Variants in TTC13 observed in about 807,000 individuals in gnomAD.
The protein encoded by TTC13 is tetratricopeptide repeat protein 13.
In TTC13, 62 loss-of-function variants were observed where a neutral mutation model predicts 120.0. The observed-to-expected ratio is 0.52, with a 90% CI of 0.42 to 0.64. TTC13 has a LOEUF of 0.64. TTC13 is among the 30% of genes least tolerant of loss of function. The pLI is 0.00. For synonymous variants in TTC13, 384 were observed against 393.5 expected (o/e 0.98, Z 0.28); for missense variants, 824 against 1,050.2 (o/e 0.78, Z 2.98).
intron 11 of TTC13, 89 bp downstream of exon 11, chr1:230,931,209 G>C: frequency 1.4e-6 from 2 of 1,434,986 alleles, no homozygotes; most frequent in Non-Finnish European, 1.9e-6. Context: ...AGACTCCACT[G>C]TTTCATACGA....
chr1:230,959,974 T>G (rs1676468672), intron 2 of TTC13, among the ~76,000 whole-genome samples: 1 of 152,248 alleles, frequency 6.6e-6, no homozygotes. Context: ...AATGATTTGG[T>G]TGATGAGTAT....
chr1:230,948,356 G>C (rs1433544585), intron 4 of TTC13, among the ~76,000 whole-genome samples: 5 of 125,148 alleles, frequency 4.0e-5, no homozygotes, highest in African/African-American at 1.5e-4. Flanking sequence ...ATCTTGACTT[G>C]CCAATTAATT....
At chr1:230,954,147 T>C (rs1310769637) in intron 4 of TTC13, among the ~76,000 whole-genome samples, 186 bp downstream of exon 4, 11 of 152,178 alleles carry the variant, frequency 7.2e-5, no homozygotes, top group Admixed American at 7.2e-4. Context: ...AAATCTTTCA[T>C]TTAAAAGATT....
rs1432084408 is a variant in TTC13, at chr1:230,978,397, C to CG, written c.271+162dup. 6.6e-6 allele frequency among the ~76,000 whole-genome samples: 1 copy of CG among 151,806 alleles called. No individual in the cohort carries two copies. The highest frequency in any genetic ancestry group is 1.5e-5 in the Non-Finnish European group (1 of 67,870). On this transcript the variant is annotated intron_variant, in intron 1 of 22. Transcript: ENST00000366661. The surrounding 1 kb of genome is among the most constrained non-coding windows in gnomAD (Gnocchi z 5.6). ...GGGCGCGCGGCGGCGTGGGTGGCAG[C>CG]GGCGGGAAGCTGCCCGCCAGGACCC... is the stretch of plus-strand genomic sequence containing the variant.
rs1674359188 is a variant in TTC13 at position 230,939,498 on chromosome 1, T to C, written c.790-2A>G. The C allele has an allele frequency of 1.3e-6, 2 of 1,586,476 alleles. No individual in the cohort carries two copies. Among genetic ancestry groups the C allele is most frequent in the Non-Finnish European group, 1.7e-6 (2 of 1,160,446 alleles). ...GTCTTCATGGGCTGTTGCATAGTCC[T>C]ACAAAAAGGAGAGTGGGGGGAAAAA... is the stretch of plus-strand genomic sequence containing the variant. On this transcript the variant is annotated splice_acceptor_variant, in intron 7 of 22. Coordinates refer to ENST00000366661, the MANE Select transcript of TTC13 (RefSeq NM_024525.5). LOFTEE classifies it high-confidence loss of function.
At position 230,906,856 on chromosome 1, in the gene TTC13, T is replaced by A. The variant is rs1483551892; in HGVS notation, c.*49A>T. 1.1e-6 allele frequency: 1 copy of A among 886,114 alleles called. No homozygotes were observed. Among genetic ancestry groups the A allele is most frequent in the Non-Finnish European group, 1.6e-6 (1 of 621,450 alleles). 54.9% of individuals were successfully genotyped at this position (886,114 alleles called of 1,614,324 possible). A position where few individuals can be genotyped will look rare whatever the true frequency, so the allele number is the denominator to read the frequency against. On this transcript the variant is annotated 3_prime_UTR_variant, in exon 23 of 23. Coordinates refer to ENST00000366661, the MANE Select transcript of TTC13 (RefSeq NM_024525.5). ...TAATTCCATGTTTTAAAAAATAACT[T>A]AAGAAGCAAGAGGTCCGGCCCTTTA... is the stretch of plus-strand genomic sequence containing the variant.
chr1:230,973,201 T>C (rs1045554671), intron 1 of TTC13, among the ~76,000 whole-genome samples: 3 of 152,114 alleles, frequency 2.0e-5, no homozygotes, highest in African/African-American at 7.2e-5. Context: ...AAAAAGGAAA[T>C]AGCTCTCATA....
intron 4 of TTC13, among the ~76,000 whole-genome samples, chr1:230,946,965 A>G (rs1406451513): frequency 6.6e-6 from 1 of 152,166 alleles, no homozygotes; most frequent in Non-Finnish European, 1.5e-5. Flanking sequence ...CATTAGGTGC[A>G]CAGAAATAAA....
chr1:230,942,312 C>T lies in TTC13; in HGVS notation c.672+1494G>A, dbSNP rs1674598802. 6.6e-6 allele frequency among the ~76,000 whole-genome samples: 1 copy of T among 152,140 alleles called. No homozygotes were observed. The highest frequency in any genetic ancestry group is 1.5e-5 in the Non-Finnish European group (1 of 68,016). On this transcript the variant is annotated intron_variant, in intron 6 of 22. Coordinates refer to ENST00000366661, the MANE Select transcript of TTC13 (RefSeq NM_024525.5). The surrounding 1 kb of genome is among the most constrained non-coding windows in gnomAD (Gnocchi z 4.0). ...CACCAAATTAGCCACTAAACACCAA[C>T]TAAATACCAGCAAGTCTCATGCAGT...
At chr1:230,933,119 C>A (rs1376980267) in intron 9 of TTC13, among the ~76,000 whole-genome samples, 1 of 152,128 alleles carries the variant, frequency 6.6e-6, no homozygotes, top group African/African-American at 2.4e-5. Flanking sequence ...ATTACAGGAA[C>A]CCACCACCAT....
At chr1:230,938,254 G>A (rs1345388667) in intron 8 of TTC13, among the ~76,000 whole-genome samples, 1 of 152,156 alleles carries the variant, frequency 6.6e-6, no homozygotes, top group Admixed American at 6.5e-5. Flanking sequence ...CCTCTGTTTC[G>A]TTCTCAGGCC....
intron 17 of TTC13, among the ~76,000 whole-genome samples, chr1:230,920,117 T>C (rs1161745452): frequency 1.3e-5 from 2 of 152,142 alleles, no homozygotes; most frequent in Admixed American, 1.3e-4. Context: ...CGTGCAGTGG[T>C]CTAATAAATA....
intron 2 of TTC13, among the ~76,000 whole-genome samples, chr1:230,960,231 G>A (rs1055786521): frequency 1.9e-4 from 29 of 152,210 alleles, no homozygotes; most frequent in African/African-American, 6.3e-4. Flanking sequence ...CAAGACTAAC[G>A]AGCTTTCTCC....
intron 4 of TTC13, among the ~76,000 whole-genome samples, chr1:230,951,442 C>G (rs1443032167): frequency 6.6e-6 from 1 of 151,830 alleles, no homozygotes; most frequent in Non-Finnish European, 1.5e-5. Context: ...ACATGAATAG[C>G]TACCACTTTG....
intron 8 of TTC13, chr1:230,936,687 A>ACTATAT: frequency 9.0e-6 from 1 of 111,710 alleles, no homozygotes; most frequent in Non-Finnish European, 2.0e-5. Context: ...TACATCATAT[A>ACTATAT]GTAAATAAGC....
At position 230,954,382 on chromosome 1, in the gene TTC13, C is replaced by T; in HGVS notation, c.464G>A (p.Gly155Asp). 6.2e-7 allele frequency: 1 copy of T among 1,611,046 alleles called. No individual in the cohort carries two copies. Residue 155 changes from glycine (G) to aspartate (D), a missense_variant, in exon 4 of 23, where the codon GGC (glycine) becomes GAC (aspartate). Physicochemically the swap from Gly to Asp is moderately conservative, Grantham distance 94. Around this residue, in one of 4 missense-constraint regions of TTC13, gnomAD observed 430 missense variants for 626.8 expected, o/e 0.69. Transcript: ENST00000366661. ...TATTGCTTCATCATACAGACCACTG[C>T]CAATCAAGACATAAGCAATAGCTAT... The part of the protein sequence containing the change: ...EELAIAYVLI[G>D]SGLYDEAIRH...
intron 6 of TTC13, among the ~76,000 whole-genome samples, chr1:230,943,173 A>T (rs999470444): frequency 6.6e-6 from 1 of 152,086 alleles, no homozygotes; most frequent in South Asian, 2.1e-4. Context: ...ATATTTTTCA[A>T]TGAATATTAT....
rs1478115629 is a variant in TTC13 at position 230,940,778 on chromosome 1, G to A, written c.673-222C>T. On this transcript the variant is annotated intron_variant, in intron 6 of 22. Coordinates refer to ENST00000366661, the MANE Select transcript of TTC13 (RefSeq NM_024525.5). This position sits in a 1 kb window ranked among gnomAD's most constrained non-coding sequence, Gnocchi z 4.1. Reference sequence around the variant, plus strand: ...AGCAGGAGGCTGATGAACTATGACTGCAGCAACTGCCTTGTCACTATTTCA... The same window carrying A: ...AGCAGGAGGCTGATGAACTATGACTACAGCAACTGCCTTGTCACTATTTCA... 6.6e-6 allele frequency among the ~76,000 whole-genome samples: 1 copy of A among 152,164 alleles called. No individual in the cohort carries two copies.
intron 6 of TTC13, among the ~76,000 whole-genome samples, chr1:230,941,776 T>A (rs1190758118): frequency 6.6e-6 from 1 of 152,166 alleles, no homozygotes; most frequent in Non-Finnish European, 1.5e-5. Flanking sequence ...AAAAGCACAG[T>A]GGGCTGGGGT....
Sources: gnomAD v4.1 joint callset for allele counts (sites outside exome capture counted in the v4.1 genomes callset) on GRCh38, gnomAD v4.1.1 for gene constraint, gnomAD v4.1.1 regional missense constraint, Gnocchi (gnomAD v3.1) non-coding constraint, MANE v1.5 for transcripts, NCBI Gene and HGNC (gene_info 2026-07-23, HGNC 2026-07-21) for gene names.